Variants in SMURF1 observed in about 807,000 individuals in gnomAD.
SMURF1 encodes E3 ubiquitin-protein ligase SMURF1.
Under a neutral mutation model 98.0 loss-of-function variants are expected in SMURF1, and 44 were observed. That is an observed-to-expected ratio of 0.45 (90% CI 0.35 to 0.58). SMURF1 has a LOEUF of 0.58. Among genes scored for constraint, SMURF1 ranks in the 20% least tolerant of loss-of-function variants. SMURF1 has a pLI of 0.00. For synonymous variants in SMURF1, 396 were observed against 374.9 expected (o/e 1.06, Z -0.65); for missense variants, 687 against 938.4 (o/e 0.73, Z 3.50).
Position 99,057,565 on chromosome 7 carries a change from G to T in SMURF1, c.204-14C>A. ...TTCCCAACATATCTGGAAAGAAAGT[G>T]CAAAACTCATTTTTAATTGTGTTTG... On this transcript the variant is annotated splice_polypyrimidine_tract_variant and intron_variant, in intron 3 of 17. Transcript: ENST00000361368. 3 of 1,514,294 alleles carry T rather than the reference G, an allele frequency of 2.0e-6. No homozygotes were observed. The highest frequency in any genetic ancestry group is 2.5e-5 in the East Asian group (1 of 40,694). The allele number at this position is 1,514,294 out of a possible 1,614,324, so 93.8% of individuals were successfully genotyped here.
At chr7:99,091,554 G>A (rs1796812213) in intron 1 of SMURF1, among the ~76,000 whole-genome samples, 1 of 152,132 alleles carries the variant, frequency 6.6e-6, no homozygotes, top group South Asian at 2.1e-4. Flanking sequence ...GAAAGATGGT[G>A]GACGGGAGTA....
chr7:99,051,565 T>G, intron 7 of SMURF1, 124 bp from the exon 8 acceptor site: 1 of 757,738 alleles, frequency 1.3e-6, no homozygotes, highest in South Asian at 1.6e-5. Context: ...CTTATCCCAG[T>G]TCTTCTCTCT....
chr7:99,063,261 A>G (rs1482699948), intron 1 of SMURF1, among the ~76,000 whole-genome samples: 1 of 6,946 alleles, frequency 1.4e-4, no homozygotes, highest in East Asian at 3.7e-3. Context: ...ATATATATAT[A>G]TATATATATA....
chr7:99,067,945 C>G, intron 1 of SMURF1, among the ~76,000 whole-genome samples: 1 of 152,188 alleles, frequency 6.6e-6, no homozygotes, highest in Non-Finnish European at 1.5e-5. Context: ...CAGAACGAGA[C>G]TATCCCCCCC....
chr7:99,054,970 A>C, intron 5 of SMURF1, 105 bp from the exon 6 acceptor site: 1 of 1,064,416 alleles, frequency 9.4e-7, no homozygotes, highest in Non-Finnish European at 1.4e-6. Context: ...ATCATAAAAA[A>C]CGAGGCATAT....
chr7:99,042,005 A>G, intron 12 of SMURF1, 113 bp downstream of exon 12: 1 of 817,862 alleles, frequency 1.2e-6, no homozygotes, highest in Non-Finnish European at 2.0e-6. Flanking sequence ...TTTGCTTACC[A>G]CTGTCTTTGA....
chr7:99,029,929 A>G lies in SMURF1; in HGVS notation c.*655T>C, dbSNP rs1364165537. ...TTCAGCCAAGATACCCAGAAAAGAA[A>G]TATCCTGGGCCTCCAGGAAAAGCTG... On this transcript the variant is annotated 3_prime_UTR_variant, in exon 18 of 18. Transcript: ENST00000361368. 1 of 152,256 alleles carries G rather than the reference A, an allele frequency of 6.6e-6. No homozygotes were observed. Among genetic ancestry groups the G allele is most frequent in the African/African-American group, 2.4e-5 (1 of 41,474 alleles). The allele number at this position is 152,256 out of a possible 1,614,324, so 9.4% of individuals were successfully genotyped here. A position where few individuals can be genotyped will look rare whatever the true frequency, so the allele number is the denominator to read the frequency against.
chr7:99,104,771 T>A (rs1242978056), intron 1 of SMURF1, among the ~76,000 whole-genome samples: 1 of 152,204 alleles, frequency 6.6e-6, no homozygotes, highest in African/African-American at 2.4e-5. Context: ...AGCAGTTATA[T>A]GAGGAGAGTA....
chr7:99,045,843 ATTC>A (rs1795555948), intron 10 of SMURF1, 42 bp from the exon 11 acceptor site: 5 of 1,482,864 alleles, frequency 3.4e-6, no homozygotes, highest in Middle Eastern at 1.7e-4. Context: ...GAACATTCTT[ATTC>A]TTAAAGTTAT....
At chr7:99,051,756 C>T (rs1278436178) in intron 7 of SMURF1, among the ~76,000 whole-genome samples, 2 of 152,162 alleles carry the variant, frequency 1.3e-5, no homozygotes, top group Non-Finnish European at 2.9e-5. Flanking sequence ...TCATGATTAG[C>T]TAGATTTAGG....
chr7:99,035,101 G>A (rs550739104), intron 16 of SMURF1, among the ~76,000 whole-genome samples: 92 of 152,322 alleles, frequency 6.0e-4, no homozygotes, highest in Admixed American at 1.2e-3. Flanking sequence ...ATCATCTTTC[G>A]GTGTGGTTGG....
intron 6 of SMURF1, among the ~76,000 whole-genome samples, chr7:99,053,929 A>T (rs1403124015): frequency 6.6e-6 from 1 of 152,084 alleles, no homozygotes; most frequent in African/African-American, 2.4e-5. Flanking sequence ...CATGGCAGTT[A>T]TAATTCTTTT....
intron 13 of SMURF1, among the ~76,000 whole-genome samples, 195 bp downstream of exon 13, chr7:99,040,183 C>T (rs1043530832): frequency 6.6e-6 from 1 of 152,092 alleles, no homozygotes; most frequent in Non-Finnish European, 1.5e-5. Context: ...AGGCTGGTGT[C>T]GAACTCCTGG....
At chr7:99,141,597 GAA>G (rs921776704) in intron 1 of SMURF1, among the ~76,000 whole-genome samples, 8 of 152,248 alleles carry the variant, frequency 5.3e-5, no homozygotes, top group African/African-American at 1.9e-4. Context: ...GATCCCAGAG[GAA>G]ACTACCTCCT....
At chr7:99,142,685 T>A (rs1032387036) in intron 1 of SMURF1, among the ~76,000 whole-genome samples, 1 of 3,728 alleles carries the variant, frequency 2.7e-4, no homozygotes, top group Non-Finnish European at 5.4e-4. Context: ...GAGAAGAGGG[T>A]GGGTGGGGGC....
chr7:99,126,957 T>G (rs1259257330), intron 1 of SMURF1, among the ~76,000 whole-genome samples: 1 of 81,354 alleles, frequency 1.2e-5, no homozygotes, highest in Non-Finnish European at 2.4e-5. Context: ...CAGCATAGGT[T>G]GGGTCTGAGC....
chr7:99,117,876 T>G (rs1797497306), intron 1 of SMURF1, among the ~76,000 whole-genome samples: 1 of 151,594 alleles, frequency 6.6e-6, no homozygotes, highest in Admixed American at 6.6e-5. Flanking sequence ...GGTCAGGAGT[T>G]CAAGACCAGC....
intron 1 of SMURF1, among the ~76,000 whole-genome samples, chr7:99,086,420 G>T (rs1796681554): frequency 6.6e-6 from 1 of 151,628 alleles, no homozygotes; most frequent in South Asian, 2.1e-4. Context: ...ATACAGAGGG[G>T]CAAGGATATG....
intron 5 of SMURF1, among the ~76,000 whole-genome samples, chr7:99,056,962 C>T (rs191178852): frequency 1.5e-4 from 18 of 121,040 alleles, no homozygotes; most frequent in South Asian, 1.5e-3. Flanking sequence ...GAGATCTCAC[C>T]ACTGCACTCC....
Sources: gnomAD v4.1 joint callset for allele counts (sites outside exome capture counted in the v4.1 genomes callset) on GRCh38, gnomAD v4.1.1 for gene constraint, MANE v1.5 for transcripts, NCBI Gene and HGNC (gene_info 2026-07-23, HGNC 2026-07-21) for gene names.